The following CYFIP2 variants were observed in gnomAD, a reference collection of about 807,000 sequenced individuals.
The protein encoded by CYFIP2 is cytoplasmic FMR1-interacting protein 2.
Under a neutral mutation model 158.7 loss-of-function variants are expected in CYFIP2, and 29 were observed. That is an observed-to-expected ratio of 0.18 (90% CI 0.14 to 0.25). CYFIP2 has a LOEUF of 0.25. CYFIP2 is among the 10% of genes least tolerant of loss of function. The pLI, the probability that CYFIP2 is intolerant of heterozygous loss-of-function variation, is 1.00. For missense variants in CYFIP2, 852 were observed against 1,639.5 expected, an observed-to-expected ratio of 0.52 and a Z score of 8.29; for synonymous variants, 585 against 617.6, an observed-to-expected ratio of 0.95 and a Z score of 0.78.
At chr5:157,368,258 G>T (rs1764616351) in intron 26 of CYFIP2, among the ~76,000 whole-genome samples, 1 of 152,100 alleles carries the variant, frequency 6.6e-6, no homozygotes. Context: ...TAGATTTATT[G>T]CACTAAATAT....
At chr5:157,351,422 A>C (rs141590619) in intron 23 of CYFIP2, among the ~76,000 whole-genome samples, 1 of 152,240 alleles carries the variant, frequency 6.6e-6, no homozygotes, top group Non-Finnish European at 1.5e-5. Flanking sequence ...CTCATTGTAC[A>C]TAAATAATAT....
intron 2 of CYFIP2, among the ~76,000 whole-genome samples, 182 bp from the exon 3 acceptor site, chr5:157,286,837 C>CTCCT (rs1428016210): frequency 6.6e-6 from 1 of 152,168 alleles, no homozygotes; most frequent in Non-Finnish European, 1.5e-5. Flanking sequence ...TCATCACCAG[C>CTCCT]TCCTGCCCAG....
intron 1 of CYFIP2, among the ~76,000 whole-genome samples, chr5:157,268,957 A>G (rs1755851519): frequency 6.6e-6 from 1 of 152,254 alleles, no homozygotes; most frequent in African/African-American, 2.4e-5. Context: ...CAAGGGGTGC[A>G]TGAAAGTGCC....
rs377540260 is a variant in CYFIP2, at chr5:157,285,612, T to C, written c.117+134T>C. The stretch of plus-strand genomic sequence containing the variant: ...GGTTGTGAGCTGATGGAGTCCCTTG[T>C]GCGCTGGTAGAGCCGAGTATAAGGA... On this transcript the variant is annotated intron_variant, in intron 2 of 30. Transcript: ENST00000620254. 309 of 728,766 alleles carry C rather than the reference T, an allele frequency of 4.2e-4. 3 individuals are homozygous for C. In the South Asian group the frequency reaches 4.9e-3, roughly 12 times the overall value. 45.1% of individuals were successfully genotyped at this position (728,766 alleles called of 1,614,324 possible). A position where few individuals can be genotyped will look rare whatever the true frequency, so the allele number is the denominator to read the frequency against.
chr5:157,306,108 T>C (rs1424156103), intron 8 of CYFIP2, among the ~76,000 whole-genome samples: 1 of 152,198 alleles, frequency 6.6e-6, no homozygotes, highest in Non-Finnish European at 1.5e-5. Flanking sequence ...TCCCAGATCC[T>C]CACCTCTCAA....
intron 1 of CYFIP2, among the ~76,000 whole-genome samples, chr5:157,284,541 T>C (rs761977951): frequency 6.6e-6 from 1 of 152,202 alleles, no homozygotes; most frequent in Non-Finnish European, 1.5e-5. Context: ...GTTTCACATA[T>C]GTTTGGGGGG....
chr5:157,386,104 AC>A (rs1189940502), intron 28 of CYFIP2, among the ~76,000 whole-genome samples: 2 of 152,216 alleles, frequency 1.3e-5, no homozygotes, highest in Non-Finnish European at 2.9e-5. Context: ...ATGTTAACAC[AC>A]ACGGAAAAGT....
intron 11 of CYFIP2, among the ~76,000 whole-genome samples, chr5:157,314,029 G>A (rs1759942425): frequency 6.6e-6 from 1 of 152,136 alleles, no homozygotes; most frequent in Admixed American, 6.5e-5. Flanking sequence ...CAGGAGACCA[G>A]CCTGGACAAC....
chr5:157,322,831 C>G (rs538829395), intron 15 of CYFIP2: 1 of 1,173,058 alleles, frequency 8.5e-7, no homozygotes. Context: ...GCTTTCCCAC[C>G]GTATACAATA....
At chr5:157,382,773 G>A in intron 27 of CYFIP2, 111 bp downstream of exon 27, 1 of 1,101,674 alleles carries the variant, frequency 9.1e-7, no homozygotes, top group Non-Finnish European at 1.3e-6. Context: ...TTAAAGCTTT[G>A]GACACCTATT....
intron 30 of CYFIP2, among the ~76,000 whole-genome samples, chr5:157,391,457 C>T (rs561718255): frequency 6.6e-6 from 1 of 152,278 alleles, no homozygotes; most frequent in South Asian, 2.1e-4. Context: ...TCCATTTTCT[C>T]CCCAGCCCCT....
At chr5:157,293,801 G>A (rs1758030310) in intron 3 of CYFIP2, among the ~76,000 whole-genome samples, 2 of 152,150 alleles carry the variant, frequency 1.3e-5, no homozygotes, top group African/African-American at 4.8e-5. Context: ...CAGTTATTAT[G>A]CAAATCAGTC....
chr5:157,365,269 C>T (rs867063456), intron 26 of CYFIP2: 1 of 152,132 alleles, frequency 6.6e-6, no homozygotes, highest in African/African-American at 2.4e-5. Flanking sequence ...CTGGGAAATA[C>T]CAGAAAGTGC....
In CYFIP2 at chr5:157,307,859, C is replaced by T. The variant is rs773194413; in HGVS notation, c.894C>T (p.Phe298=). The change falls in exon 9 of 31, where the codon TTC becomes TTT. Residue 298 remains phenylalanine, a synonymous_variant. Transcript: ENST00000620254. ...KRINLSKIDK[F]FKQLQVVPLF... ...TTAATCTTAGCAAAATTGATAAATT[C>T]TTTAAGGTCAGCAACTGGGGCTGGG... is the stretch of plus-strand genomic sequence containing the variant. The T allele has an allele frequency of 6.3e-7, 1 of 1,589,578 alleles. No homozygotes were observed. The highest frequency in any genetic ancestry group is 8.6e-7 in the Non-Finnish European group (1 of 1,163,104).
At position 157,307,915 on chromosome 5, in the gene CYFIP2, A is replaced by G. The variant is rs1424189104; in HGVS notation, c.900+50A>G. 14 of 1,067,992 alleles carry G rather than the reference A, an allele frequency of 1.3e-5. No individual in the cohort carries two copies. In the Admixed American group the frequency reaches 2.8e-4, roughly 21 times the overall value. The allele number at this position is 1,067,992 out of a possible 1,614,324, so 66.2% of individuals were successfully genotyped here. On this transcript the variant is annotated intron_variant, in intron 9 of 30. Transcript: ENST00000620254. ...GCAGAGGGCTGAGGTTACCAGCGCCAAGATGTCTTTGGGGGAAAGGGATGA... is the reference window on the plus strand; with the variant it reads ...GCAGAGGGCTGAGGTTACCAGCGCCGAGATGTCTTTGGGGGAAAGGGATGA...
intron 13 of CYFIP2, among the ~76,000 whole-genome samples, chr5:157,319,284 A>G (rs141374915): frequency 4.5e-4 from 68 of 152,298 alleles, no homozygotes; most frequent in African/African-American, 1.5e-3. Flanking sequence ...TCAAGCAGCA[A>G]CTGGCCAAAC....
chr5:157,326,585 T>C (rs998028949), intron 18 of CYFIP2, among the ~76,000 whole-genome samples: 2 of 152,184 alleles, frequency 1.3e-5, no homozygotes, highest in African/African-American at 4.8e-5. Context: ...TGGCTAGACC[T>C]AAACCCTAGG....
intron 26 of CYFIP2, among the ~76,000 whole-genome samples, chr5:157,366,650 G>A (rs2113406117): frequency 6.6e-6 from 1 of 152,228 alleles, no homozygotes; most frequent in East Asian, 1.9e-4. Context: ...CATTTATCTT[G>A]TATCCATAAA....
intron 26 of CYFIP2, among the ~76,000 whole-genome samples, chr5:157,371,340 T>G (rs1561776249): frequency 6.6e-6 from 1 of 152,200 alleles, no homozygotes. Context: ...TTCCAGCTCC[T>G]TTCTCCATAC....
Sources: gnomAD v4.1 joint callset for allele counts (sites outside exome capture counted in the v4.1 genomes callset) on GRCh38, gnomAD v4.1.1 for gene constraint, MANE v1.5 for transcripts, NCBI Gene and HGNC (gene_info 2026-07-23, HGNC 2026-07-21) for gene names.